The following KMT2B variants were observed in gnomAD, a reference collection of about 807,000 sequenced individuals.
KMT2B encodes the protein histone-lysine N-methyltransferase 2B.
Under a neutral mutation model 255.3 loss-of-function variants are expected in KMT2B, and 22 were observed. The observed-to-expected ratio is 0.09, with a 90% confidence interval of 0.06 to 0.12. The LOEUF is 0.12. Ranked by LOEUF, KMT2B falls within the 10% of genes least tolerant of loss-of-function variation. The probability of loss-of-function intolerance (pLI) is 1.00; values close to 1 mark genes in which losing one functional copy is unlikely to be tolerated. For synonymous variants in KMT2B, 1,730 were observed against 1,498.1 expected, an observed-to-expected ratio of 1.15 and a Z score of -3.57; for missense variants, 3,149 against 3,737.0, an observed-to-expected ratio of 0.84 and a Z score of 4.10.
In KMT2B at chr19:35,723,572, T is replaced by A; in HGVS notation, c.3058+70T>A. 7.0e-7 allele frequency: 1 copy of A among 1,422,048 alleles called. No homozygotes were observed. 88.1% of individuals were successfully genotyped at this position (1,422,048 alleles called of 1,614,324 possible). A position where few individuals can be genotyped will look rare whatever the true frequency, so the allele number is the denominator to read the frequency against. On this transcript the variant is annotated intron_variant, in intron 7 of 36. Coordinates refer to ENST00000420124, the MANE Select transcript of KMT2B (RefSeq NM_014727.3). The surrounding 1 kb of genome is among the most constrained non-coding windows in gnomAD (Gnocchi z 7.5). ...TTTGTGCTGTGGAGGGAGCTGTTTT[T>A]CTTTGCTCTCCTCCCTTGCAGCTCA...
At position 35,736,805 on chromosome 19, in the gene KMT2B, C is replaced by T. The variant is rs371917472; in HGVS notation, c.7275C>T (p.Ser2425=). The T allele has an allele frequency of 1.2e-6, 2 of 1,613,952 alleles. No homozygotes were observed. The highest frequency in any genetic ancestry group is 1.7e-6 in the Non-Finnish European group (2 of 1,179,870). ...AGATCAGCAGTGAGGATGGGTTCAG[C>T]GTTGAGGCAGAGAGCTTGGAGGGTG... is the stretch of plus-strand genomic sequence containing the variant. The part of the protein sequence containing the change: ...RFEISSEDGF[S]VEAESLEGAW... Residue 2425 remains serine, a synonymous_variant, in exon 31 of 37, where the codon AGC becomes AGT. Coordinates refer to ENST00000420124, the MANE Select transcript of KMT2B (RefSeq NM_014727.3).
At position 35,727,512 on chromosome 19, in the gene KMT2B, C is replaced by A; in HGVS notation, c.4192C>A (p.Gln1398Lys). The A allele has an allele frequency of 6.2e-7, 1 of 1,611,020 alleles. No homozygotes were observed. The highest frequency in any genetic ancestry group is 1.1e-5 in the South Asian group (1 of 91,088). ...CTGCGGACCGTGTGCTGGGGCAGCG[C>A]AGCCCCGCTGGCGAGAGGCCCTGAG... ...YTCGPCAGAA[Q>K]PRWREALSGA... Residue 1398 changes from glutamine to lysine, a missense_variant, in exon 16 of 37, where the codon CAG becomes AAG. Around this residue, in one of 18 missense-constraint regions of KMT2B, gnomAD observed 377 missense variants for 471.0 expected, o/e 0.80. Coordinates refer to ENST00000420124, the MANE Select transcript of KMT2B (RefSeq NM_014727.3). The surrounding 1 kb of genome is among the most constrained non-coding windows in gnomAD (Gnocchi z 4.2).
In KMT2B at chr19:35,733,401, C is replaced by T; in HGVS notation, c.6852C>T (p.Phe2284=). 1 of 1,549,554 alleles carries T rather than the reference C, an allele frequency of 6.5e-7. No homozygotes were observed. The part of the protein sequence containing the change: ...QAIRVKRVST[F]SGRSPPAPPP... ...TCCGCGTCAAGAGGGTGTCCACTTT[C>T]TCCGGCCGGTCCCCGCCAGCACCTC... The change falls in exon 28 of 37, where the codon TTC becomes TTT. Residue 2284 remains phenylalanine, a synonymous_variant. Coordinates refer to ENST00000420124, the MANE Select transcript of KMT2B (RefSeq NM_014727.3). This position sits in a 1 kb window ranked among gnomAD's most constrained non-coding sequence, Gnocchi z 4.3.
At chr19:35,734,380 G>A (rs231590) in intron 30 of KMT2B, among the ~76,000 whole-genome samples, 90 of 152,288 alleles carry the variant, frequency 5.9e-4, no homozygotes, top group Non-Finnish European at 8.8e-4. Context: ...AGGGTGGGGC[G>A]TTGTGTCCAA....
In KMT2B at chr19:35,738,383, C is replaced by T. The variant is rs1385568754; in HGVS notation, c.7974C>T (p.Asn2658=). ...TCATCAACCACTCCTGTGAGCCCAA[C>T]TGCTTCTCTCGGGTCATCCACGTGG... is the stretch of plus-strand genomic sequence containing the variant. ...ARFINHSCEP[N]CFSRVIHVEG... is the part of the protein sequence containing the mutation. The change falls in exon 37 of 37, where the codon AAC becomes AAT. Residue 2658 remains asparagine, a synonymous_variant. Coordinates refer to ENST00000420124, the MANE Select transcript of KMT2B (RefSeq NM_014727.3). The surrounding 1 kb of genome is among the most constrained non-coding windows in gnomAD (Gnocchi z 8.7). The T allele has an allele frequency of 1.2e-6, 2 of 1,614,142 alleles. No individual in the cohort carries two copies. Among genetic ancestry groups the T allele is most frequent in the Admixed American group, 1.7e-5 (1 of 60,026 alleles).
rs1207794776 is a variant in KMT2B, at chr19:35,720,395, G to A, written c.1048G>A (p.Gly350Arg). The A allele has an allele frequency of 1.9e-6, 3 of 1,577,158 alleles. No homozygotes were observed. The highest frequency in any genetic ancestry group is 2.7e-5 in the African/African-American group (2 of 74,128). Residue 350 changes from glycine (G) to arginine (R), a missense_variant, in exon 3 of 37, where the codon GGG (glycine) becomes AGG (arginine). Transcript: ENST00000420124. The stretch of plus-strand genomic sequence containing the variant: ...AAGAAGAGTTGGATCTGGACAGGGA[G>A]GGAGCCCTTGCTGGAAAAAGCAGGA... The part of the protein sequence containing the change: ...PQRRVGSGQG[G>R]SPCWKKQEQK...
Position 35,723,195 on chromosome 19 carries a change from G to A in KMT2B, c.2923G>A (p.Val975Met). 6.2e-7 allele frequency: 1 copy of A among 1,613,408 alleles called. No individual in the cohort carries two copies. The highest frequency in any genetic ancestry group is 8.5e-7 in the Non-Finnish European group (1 of 1,179,874). Residue 975 changes from valine to methionine, a missense_variant, in exon 6 of 37, where the codon GTG becomes ATG. Transcript: ENST00000420124. This position sits in a 1 kb window ranked among gnomAD's most constrained non-coding sequence, Gnocchi z 7.5. ...RCGHCRGCLR[V>M]QDCGSCVNCL... ...TGGACACTGTCGGGGCTGCCTACGT[G>A]TGCAGGACTGTGGGTCCTGTGTCAA...
chr19:35,731,856 A>G, intron 26 of KMT2B, 52 bp from the exon 27 acceptor site: 2 of 1,341,944 alleles, frequency 1.5e-6, no homozygotes, highest in East Asian at 2.3e-5. Flanking sequence ...GCATGTGGGC[A>G]GGCTTTGACA....
In KMT2B at chr19:35,726,292, G is replaced by C. The variant is rs1282762823; in HGVS notation, c.3942G>C (p.Trp1314Cys). 8.1e-6 allele frequency: 13 copies of C among 1,613,794 alleles called. No homozygotes were observed. The highest frequency in any genetic ancestry group is 1.0e-5 in the Non-Finnish European group (12 of 1,179,880). Residue 1314 changes from tryptophan to cysteine, a missense_variant, in exon 14 of 37, where the codon TGG (tryptophan) becomes TGC (cysteine). By Grantham distance (215) the Trp-to-Cys change is radical. Transcript: ENST00000420124. ...KSCGATPGKN[W>C]DVEWSGDYSL... ...GTGGGGCAACTCCAGGCAAGAACTGGGACGTCGAGTGGTCTGGAGATTACA... is the reference window on the plus strand; with the variant it reads ...GTGGGGCAACTCCAGGCAAGAACTGCGACGTCGAGTGGTCTGGAGATTACA...
Position 35,723,141 on chromosome 19 carries a change from C to G in KMT2B, c.2869C>G (p.His957Asp), listed in dbSNP as rs1176943492. Residue 957 changes from histidine (H) to aspartate (D), a missense_variant, in exon 6 of 37, where the codon CAC (histidine) becomes GAC (aspartate). His to Asp is a moderately conservative substitution (Grantham distance 81). Around this residue, in one of 18 missense-constraint regions of KMT2B, gnomAD observed 132 missense variants for 174.7 expected, o/e 0.76. Transcript: ENST00000420124. This position sits in a 1 kb window ranked among gnomAD's most constrained non-coding sequence, Gnocchi z 7.5. ...ACCCCGGCGCTCACTGCCCTCCCAT[C>G]ACGGCAAGAAGATGCGCATGGCTCG... Reference protein sequence around the residue: ...HTPRRSLPSHHGKKMRMARCG... With the variant: ...HTPRRSLPSHDGKKMRMARCG... The G allele has an allele frequency of 6.2e-7, 1 of 1,613,560 alleles. No individual in the cohort carries two copies. The highest frequency in any genetic ancestry group is 1.7e-5 in the Admixed American group (1 of 60,030).
Position 35,728,761 on chromosome 19 carries a change from TG to T in KMT2B, c.4572-12del, listed in dbSNP as rs1969568360. Reference sequence around the variant, plus strand: ...TGTTGGGCACATCAGCTGCTAACCCTGCCTGTCCACAGCGGAGTCCTTCCCA... The same window carrying T: ...TGTTGGGCACATCAGCTGCTAACCCTCCTGTCCACAGCGGAGTCCTTCCCA... On this transcript the variant is annotated splice_polypyrimidine_tract_variant and intron_variant, in intron 19 of 36. Coordinates refer to ENST00000420124, the MANE Select transcript of KMT2B (RefSeq NM_014727.3). 1 of 1,609,848 alleles carries T rather than the reference TG, an allele frequency of 6.2e-7. No individual in the cohort carries two copies. The highest frequency in any genetic ancestry group is 8.5e-7 in the Non-Finnish European group (1 of 1,176,330).
chr19:35,726,932 G>A lies in KMT2B; in HGVS notation c.4004-224G>A, dbSNP rs562966587. On this transcript the variant is annotated intron_variant, in intron 14 of 36. Transcript: ENST00000420124. The stretch of plus-strand genomic sequence containing the variant: ...CCGGGAGGCGGAGGTTGCAGTGAGC[G>A]GAGATCTTGCCACTGCACTCTAGCC... Among the ~76,000 whole-genome samples, 33 of 150,270 alleles carry A rather than the reference G, an allele frequency of 2.2e-4. No individual in the cohort carries two copies. The South Asian group carries it at 6.1e-3, about 28-fold the overall frequency.
rs963994503 is a variant in KMT2B, at chr19:35,727,022, C to T, written c.4004-134C>T. The stretch of plus-strand genomic sequence containing the variant: ...AAAAAAAAGCCTCATCCTCAAGGAG[C>T]TTTTAGGGACTAGTAGGGGCCCAAA... On this transcript the variant is annotated intron_variant, in intron 14 of 36. Transcript: ENST00000420124. The surrounding 1 kb of genome is among the most constrained non-coding windows in gnomAD (Gnocchi z 4.2). 1 of 499,610 alleles carries T rather than the reference C, an allele frequency of 2.0e-6. No homozygotes were observed. The highest frequency in any genetic ancestry group is 2.0e-5 in the African/African-American group (1 of 49,456). 30.9% of individuals were successfully genotyped at this position (499,610 alleles called of 1,614,324 possible). A position where few individuals can be genotyped will look rare whatever the true frequency, so the allele number is the denominator to read the frequency against.
At chr19:35,722,031 C>T (rs1171177117) in intron 3 of KMT2B, among the ~76,000 whole-genome samples, 14 of 147,938 alleles carry the variant, frequency 9.5e-5, no homozygotes, top group African/African-American at 3.3e-4. Context: ...TTTTTGAGAC[C>T]GAGTCTCACT....
At position 35,720,631 on chromosome 19, in the gene KMT2B, C is replaced by T; in HGVS notation, c.1284C>T (p.Leu428=). The T allele has an allele frequency of 2.1e-6, 3 of 1,450,096 alleles. No homozygotes were observed. The highest frequency in any genetic ancestry group is 1.5e-5 in the African/African-American group (1 of 67,636). The allele number at this position is 1,450,096 out of a possible 1,614,324, so 89.8% of individuals were successfully genotyped here. ...PPPSTSPPPP[L]CPPPPPPVSP... ...CTTCGACATCTCCTCCACCCCCACT[C>T]TGCCCTCCACCACCACCCCCAGTGT... The change falls in exon 3 of 37, where the codon CTC becomes CTT. Residue 428 remains leucine, a synonymous_variant. Coordinates refer to ENST00000420124, the MANE Select transcript of KMT2B (RefSeq NM_014727.3).
chr19:35,731,552 C>T (rs534062704), intron 26 of KMT2B, among the ~76,000 whole-genome samples: 12 of 152,068 alleles, frequency 7.9e-5, no homozygotes, highest in South Asian at 2.1e-4. Context: ...GCCTCCGGGC[C>T]GGGGCGGGCG....
At chr19:35,731,681 T>C (rs1286754219) in intron 26 of KMT2B, among the ~76,000 whole-genome samples, 1 of 152,064 alleles carries the variant, frequency 6.6e-6, no homozygotes, top group Non-Finnish European at 1.5e-5. Context: ...AGAGAGGAGA[T>C]GGCAAGGAGC....
intron 26 of KMT2B, among the ~76,000 whole-genome samples, chr19:35,731,558 G>A (rs553707705): frequency 5.3e-5 from 8 of 152,300 alleles, no homozygotes; most frequent in African/African-American, 1.9e-4. Context: ...GGGCCGGGGC[G>A]GGCGGGAGCG....
At chr19:35,731,752 C>T (rs985499736) in intron 26 of KMT2B, among the ~76,000 whole-genome samples, 156 bp from the exon 27 acceptor site, 5 of 152,030 alleles carry the variant, frequency 3.3e-5, no homozygotes, top group South Asian at 2.1e-4. Context: ...GCCAACTCCA[C>T]GGTGGGTTTA....
Sources: gnomAD v4.1 joint callset for allele counts (sites outside exome capture counted in the v4.1 genomes callset) on GRCh38, gnomAD v4.1.1 for gene constraint, gnomAD v4.1.1 regional missense constraint, Gnocchi (gnomAD v3.1) non-coding constraint, MANE v1.5 for transcripts, NCBI Gene and HGNC (gene_info 2026-07-23, HGNC 2026-07-21) for gene names.